The following MTUS2 variants were observed in gnomAD, a reference collection of about 807,000 sequenced individuals.
MTUS2 encodes the protein microtubule-associated tumor suppressor candidate 2.
In MTUS2, 40 loss-of-function variants were observed where a neutral mutation model predicts 114.1. The observed-to-expected ratio is 0.35, with a 90% confidence interval of 0.27 to 0.46. The LOEUF (loss-of-function observed/expected upper bound fraction) is 0.46. Ranked by LOEUF, MTUS2 falls within the 20% of genes least tolerant of loss-of-function variation. The pLI is 1.00. For missense variants in MTUS2, 1,679 were observed against 1,705.4 expected, an observed-to-expected ratio of 0.98 and a Z score of 0.27; for synonymous variants, 688 against 672.0, an observed-to-expected ratio of 1.02 and a Z score of -0.37.
intron 5 of MTUS2, among the ~76,000 whole-genome samples, chr13:29,251,396 T>G (rs1255089133): frequency 6.6e-6 from 1 of 152,204 alleles, no homozygotes; most frequent in Non-Finnish European, 1.5e-5. Flanking sequence ...TTTATTAGAT[T>G]GGTGCAAAAG....
chr13:28,996,180 G>A (rs1156366757), intron 2 of MTUS2, among the ~76,000 whole-genome samples: 3 of 152,148 alleles, frequency 2.0e-5, no homozygotes, highest in Non-Finnish European at 4.4e-5. Context: ...CTTTGGTTCT[G>A]TTTATATGCT....
rs879893955 is a variant in MTUS2, at chr13:29,035,838, CAAAGAA to C, written c.2446+1729_2446+1734del. On this transcript the variant is annotated intron_variant, in intron 4 of 15. Transcript: ENST00000612955. ...GAATAAAAAATAACTTCTGGAATAACAAAGAAAAAGAAAAAGAAAAACCAGGCTTGG... is the reference window on the plus strand; with the variant it reads ...GAATAAAAAATAACTTCTGGAATAACAAAGAAAAAGAAAAACCAGGCTTGG... Among the ~76,000 whole-genome samples, 43 of 151,916 alleles carry C rather than the reference CAAAGAA, an allele frequency of 2.8e-4. 1 individual carries two copies. The highest frequency in any genetic ancestry group is 3.4e-3 in the Middle Eastern group (1 of 292).
chr13:29,357,020 G>T (rs1197726562), intron 7 of MTUS2, among the ~76,000 whole-genome samples: 5 of 152,158 alleles, frequency 3.3e-5, no homozygotes, highest in Admixed American at 1.3e-4. Flanking sequence ...GAAGAGGTGA[G>T]CTTTTTGCAC....
At chr13:29,144,550 C>T (rs907821243) in intron 5 of MTUS2, among the ~76,000 whole-genome samples, 1 of 152,022 alleles carries the variant, frequency 6.6e-6, no homozygotes, top group Non-Finnish European at 1.5e-5. Context: ...TTTTTATGGT[C>T]ATTTGAGTTG....
At chr13:29,254,167 G>T (rs776554942) in intron 5 of MTUS2, among the ~76,000 whole-genome samples, 2 of 152,212 alleles carry the variant, frequency 1.3e-5, no homozygotes, top group Non-Finnish European at 2.9e-5. Context: ...TGCAATTATG[G>T]CTAATTGTGA....
At chr13:28,830,011 C>A (rs953482009) in intron 1 of MTUS2, among the ~76,000 whole-genome samples, 1 of 152,018 alleles carries the variant, frequency 6.6e-6, no homozygotes, top group Non-Finnish European at 1.5e-5. Flanking sequence ...ATGTACCCCA[C>A]CCCCCAACAC....
chr13:29,236,430 C>G (rs1896537519), intron 5 of MTUS2, among the ~76,000 whole-genome samples: 1 of 152,194 alleles, frequency 6.6e-6, no homozygotes, highest in African/African-American at 2.4e-5. Context: ...AACTCAAGCC[C>G]TAGTACAACC....
chr13:29,249,321 A>T (rs1897041438), intron 5 of MTUS2, among the ~76,000 whole-genome samples: 1 of 152,302 alleles, frequency 6.6e-6, no homozygotes, highest in South Asian at 2.1e-4. Flanking sequence ...TTGGGTATAT[A>T]CCCAGTAATG....
intron 5 of MTUS2, among the ~76,000 whole-genome samples, chr13:29,212,862 A>C (rs558672369): frequency 3.3e-5 from 5 of 152,286 alleles, no homozygotes; most frequent in Admixed American, 3.3e-4. Flanking sequence ...GCTCCGTCAC[A>C]TAGGCATGAC....
intron 8 of MTUS2, among the ~76,000 whole-genome samples, chr13:29,414,792 T>A (rs990806669): frequency 6.6e-6 from 1 of 152,008 alleles, no homozygotes; most frequent in Admixed American, 6.5e-5. Flanking sequence ...TTTACTTTAA[T>A]AATTTCTGCT....
chr13:29,033,889 C>T lies in MTUS2; in HGVS notation c.2210C>T (p.Thr737Ile), dbSNP rs1227816714. The T allele has an allele frequency of 5.6e-6, 9 of 1,613,840 alleles. No homozygotes were observed. Among genetic ancestry groups the T allele is most frequent in the African/African-American group, 1.3e-5 (1 of 75,052 alleles). Residue 737 changes from threonine to isoleucine, a missense_variant, in exon 4 of 16, where the codon ACA (threonine) becomes ATA (isoleucine). Around this residue, in one of 3 missense-constraint regions of MTUS2, gnomAD observed 822 missense variants for 899.7 expected, o/e 0.91. Transcript: ENST00000612955. The stretch of plus-strand genomic sequence containing the variant: ...GTTTTTGTTCATTTATCATAGGTTA[C>T]AGACCACCCTGGAAAAGAAGAGTTT... ...QMSEKFLQEV[T>I]DHPGKEEFCS...
At chr13:29,036,008 G>A (rs908468646) in intron 4 of MTUS2, among the ~76,000 whole-genome samples, 1 of 151,722 alleles carries the variant, frequency 6.6e-6, no homozygotes, top group Non-Finnish European at 1.5e-5. Context: ...GCTGGACTTG[G>A]GGGTGTGTGC....
chr13:29,410,534 G>A (rs1430546817), intron 8 of MTUS2, among the ~76,000 whole-genome samples: 1 of 152,022 alleles, frequency 6.6e-6, no homozygotes, highest in East Asian at 1.9e-4. Flanking sequence ...TATGTTTAAG[G>A]GCCATTTTAT....
chr13:29,334,952 A>T (rs113227045), intron 7 of MTUS2, among the ~76,000 whole-genome samples: 11,435 of 152,116 alleles, frequency 0.075, 1,349 homozygotes, highest in African/African-American at 0.25. Flanking sequence ...CCCTGTGATG[A>T]TGGCGTTAAC....
chr13:29,044,714 T>C (rs575906804), intron 4 of MTUS2, among the ~76,000 whole-genome samples: 1 of 152,308 alleles, frequency 6.6e-6, no homozygotes, highest in South Asian at 2.1e-4. Context: ...AAAATAACAT[T>C]TATTTACTAA....
At position 29,503,239 on chromosome 13, in the gene MTUS2, C is replaced by T. The variant is rs751060661; in HGVS notation, c.*33C>T. 6.2e-7 allele frequency: 1 copy of T among 1,608,644 alleles called. No individual in the cohort carries two copies. The highest frequency in any genetic ancestry group is 2.2e-5 in the East Asian group (1 of 44,810). On this transcript the variant is annotated 3_prime_UTR_variant, in exon 16 of 16. Transcript: ENST00000612955. ...ACACGGCCTGCGGGAGCTCCGGCTTCTCGTCCTCCGGTCTCCACCCTGAGG... is the reference window on the plus strand; with the variant it reads ...ACACGGCCTGCGGGAGCTCCGGCTTTTCGTCCTCCGGTCTCCACCCTGAGG...
intron 8 of MTUS2, 118 bp from the exon 9 acceptor site, chr13:29,439,865 T>A (rs1828569450): frequency 1.2e-6 from 1 of 808,716 alleles, no homozygotes; most frequent in Admixed American, 2.6e-5. Context: ...GTGAAAATTA[T>A]CTCCTTAAGG....
chr13:29,091,930 C>T (rs1230689507), intron 4 of MTUS2, among the ~76,000 whole-genome samples: 2 of 152,338 alleles, frequency 1.3e-5, no homozygotes, highest in East Asian at 1.9e-4. Flanking sequence ...AGCCTGTTAA[C>T]AAGCCAAAGC....
At chr13:29,093,624 A>G (rs996116667) in intron 4 of MTUS2, among the ~76,000 whole-genome samples, 13 of 152,208 alleles carry the variant, frequency 8.5e-5, no homozygotes, top group Non-Finnish European at 1.6e-4. Flanking sequence ...TAAACTTGCT[A>G]AACTCATTTA....
Sources: allele counts gnomAD v4.1 joint callset (sites outside exome capture counted in the v4.1 genomes callset), GRCh38; gene constraint gnomAD v4.1.1; regional missense constraint gnomAD v4.1.1; transcripts MANE v1.5; gene names NCBI Gene and HGNC (gene_info 2026-07-23, HGNC 2026-07-21).